The following NIBAN1 variants were observed in gnomAD, a reference collection of about 807,000 sequenced individuals.
The protein encoded by NIBAN1 is protein Niban 1.
NIBAN1 carries 81 observed loss-of-function variants against 75.1 expected under a neutral mutation model. The observed-to-expected ratio is 1.08, with a 90% CI of 0.90 to 1.30. NIBAN1 has a LOEUF of 1.30. Among genes scored for constraint, NIBAN1 ranks in the 50% most tolerant of loss-of-function variants. The pLI is 0.00. For synonymous variants in NIBAN1, 436 were observed against 424.8 expected (o/e 1.03, Z -0.32); for missense variants, 1,133 against 1,128.1 (o/e 1.00, Z -0.06).
At chr1:184,956,304 C>T (rs757811638) in intron 1 of NIBAN1, among the ~76,000 whole-genome samples, 1 of 152,098 alleles carries the variant, frequency 6.6e-6, no homozygotes, top group Non-Finnish European at 1.5e-5. Context: ...CTGGAATATG[C>T]CCAGCCAGGT....
At chr1:184,824,010 A>G (rs1654777848) in intron 6 of NIBAN1, among the ~76,000 whole-genome samples, 2 of 152,194 alleles carry the variant, frequency 1.3e-5, no homozygotes, top group South Asian at 4.1e-4. Flanking sequence ...CAAATTCCCC[A>G]AATTCGAACT....
At chr1:184,871,835 T>C (rs781026757) in intron 5 of NIBAN1, among the ~76,000 whole-genome samples, 12 of 152,152 alleles carry the variant, frequency 7.9e-5, no homozygotes, top group Non-Finnish European at 1.8e-4. Context: ...AACCTAGGCA[T>C]TGAGTGAAAG....
intron 5 of NIBAN1, among the ~76,000 whole-genome samples, chr1:184,853,890 A>T (rs2102266894): frequency 6.6e-6 from 1 of 152,332 alleles, no homozygotes; most frequent in Non-Finnish European, 1.5e-5. Context: ...GACTGGTGCT[A>T]TTCAAGAGAA....
chr1:184,964,109 G>GAGTTC (rs1019888416), intron 1 of NIBAN1, among the ~76,000 whole-genome samples: 2 of 151,492 alleles, frequency 1.3e-5, no homozygotes, highest in African/African-American at 4.9e-5. Flanking sequence ...TCCAGTCAAT[G>GAGTTC]AGTTCAGTTC....
intron 5 of NIBAN1, chr1:184,867,723 G>T: frequency 3.2e-6 from 1 of 310,102 alleles, no homozygotes; most frequent in Non-Finnish European, 4.7e-6. Context: ...AAAGTCAGGA[G>T]GAAATCATCC....
chr1:184,875,538 A>C (rs1243429569), intron 5 of NIBAN1, among the ~76,000 whole-genome samples: 1 of 152,228 alleles, frequency 6.6e-6, no homozygotes, highest in East Asian at 1.9e-4. Context: ...TAAGTGATCC[A>C]AGAGAAAGTC....
chr1:184,808,878 C>G (rs1376774108), intron 9 of NIBAN1, among the ~76,000 whole-genome samples: 2 of 152,166 alleles, frequency 1.3e-5, no homozygotes, highest in African/African-American at 4.8e-5. Context: ...CATTGGGCTT[C>G]CAGCATCATA....
chr1:184,940,323 T>C (rs1225953004), intron 1 of NIBAN1, among the ~76,000 whole-genome samples: 2 of 152,206 alleles, frequency 1.3e-5, no homozygotes, highest in Admixed American at 1.3e-4. Flanking sequence ...CATCTAGTTT[T>C]AACAAATCAG....
intron 12 of NIBAN1, among the ~76,000 whole-genome samples, chr1:184,798,790 T>C (rs1216370871): frequency 1.3e-5 from 2 of 151,934 alleles, no homozygotes; most frequent in South Asian, 4.2e-4. Flanking sequence ...TCCCAAGATA[T>C]GAGCACTGAT....
At chr1:184,910,018 T>C (rs778365719) in intron 1 of NIBAN1, among the ~76,000 whole-genome samples, 4 of 152,326 alleles carry the variant, frequency 2.6e-5, no homozygotes, top group Non-Finnish European at 4.4e-5. Context: ...ATGTAGATAG[T>C]ACATTCTTTA....
intron 5 of NIBAN1, among the ~76,000 whole-genome samples, chr1:184,856,480 G>A (rs1033190530): frequency 6.6e-6 from 1 of 152,082 alleles, no homozygotes; most frequent in African/African-American, 2.4e-5. Flanking sequence ...TAGGAAGAAA[G>A]CAACAAAGGT....
chr1:184,965,036 A>G (rs1343838434), intron 1 of NIBAN1, among the ~76,000 whole-genome samples: 1 of 152,200 alleles, frequency 6.6e-6, no homozygotes, highest in African/African-American at 2.4e-5. Context: ...GCGGCGGCTC[A>G]CGCCTGTAAT....
chr1:184,917,666 A>G (rs771550354), intron 1 of NIBAN1, among the ~76,000 whole-genome samples: 11 of 151,842 alleles, frequency 7.2e-5, no homozygotes, highest in Non-Finnish European at 1.3e-4. Flanking sequence ...CTCATCATCT[A>G]CTATACTTTC....
At chr1:184,896,527 G>C (rs1395636397) in intron 2 of NIBAN1, among the ~76,000 whole-genome samples, 1 of 151,916 alleles carries the variant, frequency 6.6e-6, no homozygotes, top group Non-Finnish European at 1.5e-5. Context: ...TCTTTTTTGT[G>C]TATAGGCTTT....
chr1:184,911,089 A>T (rs1234769770), intron 1 of NIBAN1, among the ~76,000 whole-genome samples: 1 of 152,102 alleles, frequency 6.6e-6, no homozygotes, highest in East Asian at 1.9e-4. Context: ...ACACACACAC[A>T]CATATATATA....
chr1:184,821,745 T>C (rs187338252), intron 8 of NIBAN1, among the ~76,000 whole-genome samples: 301 of 152,318 alleles, frequency 2.0e-3, no homozygotes, highest in African/African-American at 7.0e-3. Flanking sequence ...TTTCAATATA[T>C]AGTCAACTCT....
intron 5 of NIBAN1, among the ~76,000 whole-genome samples, chr1:184,852,032 G>A (rs182704120): frequency 3.3e-5 from 5 of 152,162 alleles, no homozygotes; most frequent in Admixed American, 2.0e-4. Context: ...AAAGAACTTC[G>A]GTGAGCAGAG....
At chr1:184,904,372 T>C (rs1041852690) in intron 1 of NIBAN1, among the ~76,000 whole-genome samples, 3 of 152,180 alleles carry the variant, frequency 2.0e-5, no homozygotes, top group African/African-American at 7.2e-5. Flanking sequence ...GATATTTCCT[T>C]ATAGCAACGG....
rs537374977 is a variant in NIBAN1, at chr1:184,851,628, TAAA to T, written c.602-19669_602-19667del. On this transcript the variant is annotated intron_variant, in intron 5 of 13. Transcript: ENST00000367511. ...ATGTACCCTAAAACTTAGAGTATAA[TAAA>T]AAAAAAAAAAATTAAAAAAAAAAAT... Among the ~76,000 whole-genome samples the T allele has an allele frequency of 1.3e-4, 3 of 22,922 alleles. 1 individual carries two copies. The East Asian group carries it at 2.3e-3, about 18-fold the overall frequency. 15.0% of individuals were successfully genotyped at this position (22,922 alleles called of 152,430 possible). A position where few individuals can be genotyped will look rare whatever the true frequency, so the allele number is the denominator to read the frequency against.
Sources: gnomAD v4.1 joint callset for allele counts (sites outside exome capture counted in the v4.1 genomes callset) on GRCh38, gnomAD v4.1.1 for gene constraint, MANE v1.5 for transcripts, NCBI Gene and HGNC (gene_info 2026-07-23, HGNC 2026-07-21) for gene names.